Variants in AQR observed in about 807,000 individuals in gnomAD.
The protein encoded by AQR is aquarius intron-binding spliceosomal factor, also known as RNA helicase aquarius.
In AQR, 61 loss-of-function variants were observed where a neutral mutation model predicts 180.5. The observed-to-expected ratio is 0.34, with a 90% CI of 0.28 to 0.42. The LOEUF (loss-of-function observed/expected upper bound fraction) is 0.42. Among genes scored for constraint, AQR ranks in the 10% least tolerant of loss-of-function variants. The pLI, the probability that AQR is intolerant of heterozygous loss-of-function variation, is 1.00. For synonymous variants in AQR, 551 were observed against 588.8 expected, an observed-to-expected ratio of 0.94 and a Z score of 0.93; for missense variants, 1,281 against 1,798.3, an observed-to-expected ratio of 0.71 and a Z score of 5.20.
chr15:34,902,837 A>G (rs1893352505), intron 19 of AQR, among the ~76,000 whole-genome samples: 1 of 152,158 alleles, frequency 6.6e-6, no homozygotes, highest in African/African-American at 2.4e-5. Context: ...AACATACTAT[A>G]TAACAGGCAC....
chr15:34,871,987 T>C (rs1892826306), intron 30 of AQR, among the ~76,000 whole-genome samples: 1 of 150,804 alleles, frequency 6.6e-6, no homozygotes, highest in South Asian at 2.1e-4. Flanking sequence ...CTGGATTTCA[T>C]GCAAAGGCAA....
chr15:34,899,056 G>C (rs983461045), intron 20 of AQR, among the ~76,000 whole-genome samples: 3 of 151,648 alleles, frequency 2.0e-5, no homozygotes, highest in Non-Finnish European at 4.4e-5. Flanking sequence ...TGCAGTCCCA[G>C]CTACTCCGGA....
chr15:34,864,035 T>A (rs182427835), intron 32 of AQR, among the ~76,000 whole-genome samples: 7 of 152,292 alleles, frequency 4.6e-5, no homozygotes, highest in Admixed American at 3.9e-4. Context: ...TACAGAGATC[T>A]AATGTTACAG....
chr15:34,934,650 G>A lies in AQR; in HGVS notation c.719-15C>T, dbSNP rs1258154783. ...AGTGACAGGTTCTAGACATAAGAGA[G>A]AACGCATGATAGAATTTCCTTACTA... On this transcript the variant is annotated splice_polypyrimidine_tract_variant and intron_variant, in intron 9 of 34. Coordinates refer to ENST00000156471, the MANE Select transcript of AQR (RefSeq NM_014691.3). The A allele has an allele frequency of 6.5e-7, 1 of 1,528,768 alleles. No individual in the cohort carries two copies. Among genetic ancestry groups the A allele is most frequent in the Non-Finnish European group, 8.8e-7 (1 of 1,140,842 alleles). 94.7% of individuals were successfully genotyped at this position (1,528,768 alleles called of 1,614,324 possible).
At chr15:34,900,378 T>C (rs1368008288) in intron 20 of AQR, among the ~76,000 whole-genome samples, 2 of 152,222 alleles carry the variant, frequency 1.3e-5, no homozygotes, top group African/African-American at 2.4e-5. Flanking sequence ...CTTCAGACAA[T>C]AAGTATTTAT....
chr15:34,924,109 C>T (rs894532313), intron 13 of AQR, among the ~76,000 whole-genome samples: 2 of 152,122 alleles, frequency 1.3e-5, no homozygotes, highest in African/African-American at 2.4e-5. Flanking sequence ...GTTTCAGATT[C>T]TACTCTGAAA....
intron 20 of AQR, among the ~76,000 whole-genome samples, chr15:34,900,296 A>G (rs1286894110): frequency 6.6e-6 from 1 of 152,256 alleles, no homozygotes; most frequent in African/African-American, 2.4e-5. Flanking sequence ...ATTAGTTGAG[A>G]AACATACCAG....
At chr15:34,933,948 C>T (rs1034160288) in intron 10 of AQR, among the ~76,000 whole-genome samples, 1 of 152,094 alleles carries the variant, frequency 6.6e-6, no homozygotes, top group African/African-American at 2.4e-5. Context: ...TGGTGAAACC[C>T]CGTCTCTACA....
Position 34,920,433 on chromosome 15 carries a change from A to C in AQR, c.1120T>G (p.Ser374Ala). Residue 374 changes from serine to alanine, a missense_variant and splice_region_variant, in exon 14 of 35, where the codon TCA (serine) becomes GCA (alanine). Physicochemically the swap from Ser to Ala is moderately conservative, Grantham distance 99. Around this residue, in one of 9 missense-constraint regions of AQR, gnomAD observed 404 missense variants for 490.9 expected, o/e 0.82. Coordinates refer to ENST00000156471, the MANE Select transcript of AQR (RefSeq NM_014691.3). ...SLVKFFGPLS[S>A]NTLHQVASYL... is the part of the protein sequence containing the mutation. ...GATGCCACCTGGTGGAGTGTGTTTG[A>C]ACTGCAGAATAGAGAACAATATTTT... 1.2e-6 allele frequency: 2 copies of C among 1,607,416 alleles called. No homozygotes were observed. The highest frequency in any genetic ancestry group is 1.7e-6 in the Non-Finnish European group (2 of 1,175,288).
Position 34,876,192 on chromosome 15 carries a change from C to CAATT in AQR, c.3166-187_3166-186insAATT, listed in dbSNP as rs1450127424. On this transcript the variant is annotated intron_variant, in intron 27 of 34. Coordinates refer to ENST00000156471, the MANE Select transcript of AQR (RefSeq NM_014691.3). ...CTTCATGGTCTTACTTATCATTATGCCTCTGCATTTCCAATTCAAGTATTT... is the reference window on the plus strand; with the variant it reads ...CTTCATGGTCTTACTTATCATTATGCAATTCTCTGCATTTCCAATTCAAGTATTT... Among the ~76,000 whole-genome samples, 12 of 152,278 alleles carry CAATT rather than the reference C, an allele frequency of 7.9e-5. No homozygotes were observed. The East Asian group carries it at 2.3e-3, about 29-fold the overall frequency.
Position 34,857,421 on chromosome 15 carries a change from A to C in AQR, c.4144-315T>G, listed in dbSNP as rs16959950. On this transcript the variant is annotated intron_variant, in intron 34 of 34. Coordinates refer to ENST00000156471, the MANE Select transcript of AQR (RefSeq NM_014691.3). ...AAACAGTGACTGATCAGGACTGATT[A>C]TAAAACTAACTCAAGAAAGGGTCAA... is the stretch of plus-strand genomic sequence containing the variant. Among the ~76,000 whole-genome samples, 1,411 of 152,358 alleles carry C rather than the reference A, an allele frequency of 9.3e-3. 24 individuals are homozygous for C. Among genetic ancestry groups the C allele is most frequent in the African/African-American group, 0.032 (1,341 of 41,588 alleles).
At chr15:34,942,968 TGTTTCTGTTTA>T (rs1397011059) in intron 6 of AQR, 2 of 1,210,050 alleles carry the variant, frequency 1.7e-6, no homozygotes, top group African/African-American at 3.1e-5. Context: ...AATAAAATCT[TGTTTCTGTTTA>T]GTTTCTGATA....
chr15:34,929,819 A>G (rs1470456101), intron 12 of AQR, among the ~76,000 whole-genome samples: 1 of 152,258 alleles, frequency 6.6e-6, no homozygotes, highest in Non-Finnish European at 1.5e-5. Flanking sequence ...CTGGAGCTCA[A>G]GAACAAGATA....
At chr15:34,914,724 C>T (rs940574436) in intron 16 of AQR, among the ~76,000 whole-genome samples, 1 of 152,276 alleles carries the variant, frequency 6.6e-6, no homozygotes, top group African/African-American at 2.4e-5. Flanking sequence ...CCTAGCCTTC[C>T]AATCGGCCTT....
chr15:34,969,127 C>T (rs2050329394), intron 1 of AQR, among the ~76,000 whole-genome samples: 1 of 152,178 alleles, frequency 6.6e-6, no homozygotes, highest in South Asian at 2.1e-4. Flanking sequence ...TCAGGACACT[C>T]TAAGGACCAG....
chr15:34,963,942 G>A (rs946937253), intron 2 of AQR, among the ~76,000 whole-genome samples: 6 of 152,112 alleles, frequency 3.9e-5, no homozygotes, highest in East Asian at 3.8e-4. Flanking sequence ...GATTACAGGC[G>A]TGAGACACCG....
intron 18 of AQR, among the ~76,000 whole-genome samples, chr15:34,906,302 C>G (rs536264956): frequency 6.6e-6 from 1 of 152,192 alleles, no homozygotes; most frequent in South Asian, 2.1e-4. Flanking sequence ...ACCCAGGAGG[C>G]AGAGGTTGCA....
rs1418756839 is a variant in AQR at position 34,855,903 on chromosome 15, G to A, written c.*889C>T. 3 of 152,166 alleles carry A rather than the reference G, an allele frequency of 2.0e-5. No homozygotes were observed. The highest frequency in any genetic ancestry group is 4.4e-5 in the Non-Finnish European group (3 of 68,036). 9.4% of individuals were successfully genotyped at this position (152,166 alleles called of 1,614,324 possible). ...CCACATTTTACCTGAAGGTCTCCTT[G>A]TGGCTGGTTATCCCAAGAAAAATAA... On this transcript the variant is annotated 3_prime_UTR_variant, in exon 35 of 35. Coordinates refer to ENST00000156471, the MANE Select transcript of AQR (RefSeq NM_014691.3).
intron 3 of AQR, among the ~76,000 whole-genome samples, chr15:34,957,018 A>G (rs1894330349): frequency 6.6e-6 from 1 of 152,212 alleles, no homozygotes; most frequent in African/African-American, 2.4e-5. Flanking sequence ...AGAACAGCAA[A>G]TATGAATCAA....
Sources: gnomAD v4.1 joint callset for allele counts (sites outside exome capture counted in the v4.1 genomes callset) on GRCh38, gnomAD v4.1.1 for gene constraint, gnomAD v4.1.1 regional missense constraint, MANE v1.5 for transcripts, NCBI Gene and HGNC (gene_info 2026-07-23, HGNC 2026-07-21) for gene names.